Variants in STX2 observed in about 807,000 individuals in gnomAD.
STX2 encodes the protein syntaxin-2.
In STX2, 27 loss-of-function variants were observed where a neutral mutation model predicts 40.6. That is an observed-to-expected ratio of 0.66 (90% CI 0.49 to 0.92). STX2 has a LOEUF of 0.92. Ranked by LOEUF, STX2 falls within the 40% of genes least tolerant of loss-of-function variation. The probability of loss-of-function intolerance (pLI) is 0.00; values close to 1 mark genes in which losing one functional copy is unlikely to be tolerated. For synonymous variants in STX2, 123 were observed against 119.1 expected (o/e 1.03, Z -0.22); for missense variants, 328 against 366.1 (o/e 0.90, Z 0.85).
intron 6 of STX2, among the ~76,000 whole-genome samples, chr12:130,801,775 C>T (rs1355313007): frequency 6.6e-6 from 1 of 152,130 alleles, no homozygotes; most frequent in East Asian, 1.9e-4. Flanking sequence ...AATGTCTCGG[C>T]ACACTGGTTT....
chr12:130,826,417 T>A (rs2895140), intron 2 of STX2, among the ~76,000 whole-genome samples: 1 of 152,146 alleles, frequency 6.6e-6, no homozygotes, highest in Admixed American at 6.5e-5. Context: ...AAGGAGGCGG[T>A]GCTCCTGCAG....
At chr12:130,820,527 G>A (rs918537862) in intron 3 of STX2, among the ~76,000 whole-genome samples, 3 of 152,092 alleles carry the variant, frequency 2.0e-5, no homozygotes, top group African/African-American at 7.2e-5. Context: ...TTAGCTGGGC[G>A]TGGTGGTGGG....
chr12:130,793,308 G>A (rs971058042), intron 10 of STX2, among the ~76,000 whole-genome samples: 16 of 152,128 alleles, frequency 1.1e-4, no homozygotes, highest in African/African-American at 3.9e-4. Flanking sequence ...CTCTATATGC[G>A]CTCCTACGCC....
intron 10 of STX2, 137 bp downstream of exon 10, chr12:130,795,858 G>C: frequency 9.5e-7 from 1 of 1,053,774 alleles, no homozygotes; most frequent in Non-Finnish European, 1.3e-6. Flanking sequence ...CACACAGGCA[G>C]ATGTATCACT....
chr12:130,797,550 A>G (rs1280302877), intron 9 of STX2, among the ~76,000 whole-genome samples: 10 of 152,174 alleles, frequency 6.6e-5, no homozygotes, highest in Non-Finnish European at 1.5e-4. Context: ...GGTGCGTCTC[A>G]GGGCCATCGC....
chr12:130,827,103 G>A (rs1952346543), intron 2 of STX2, 90 bp downstream of exon 2: 2 of 573,874 alleles, frequency 3.5e-6, no homozygotes, highest in Non-Finnish European at 3.1e-6. Context: ...GGGAGGAAAG[G>A]GAGAGGGAGG....
chr12:130,836,923 T>C (rs1363830648), intron 1 of STX2, among the ~76,000 whole-genome samples: 2 of 152,186 alleles, frequency 1.3e-5, no homozygotes, highest in East Asian at 3.8e-4. Context: ...AGAACAAAAC[T>C]GATTGACATG....
At chr12:130,807,561 C>A (rs1328601889) in intron 5 of STX2, among the ~76,000 whole-genome samples, 1 of 152,086 alleles carries the variant, frequency 6.6e-6, no homozygotes, top group Non-Finnish European at 1.5e-5. Flanking sequence ...CATGAGGGGA[C>A]CCAGGCAGGC....
chr12:130,800,425 C>T (rs1951182479), intron 8 of STX2, among the ~76,000 whole-genome samples: 1 of 152,054 alleles, frequency 6.6e-6, no homozygotes, highest in Admixed American at 6.6e-5. Flanking sequence ...CTCAGCCTCC[C>T]AGAGGAGTTT....
chr12:130,812,413 G>A lies in STX2; in HGVS notation c.280+544C>T, dbSNP rs113180494. 1.3e-3 allele frequency: 596 copies of A among 453,056 alleles called. 2 individuals carry two copies. Among genetic ancestry groups the A allele is most frequent in the African/African-American group, 0.011 (543 of 49,882 alleles). The allele number at this position is 453,056 out of a possible 1,614,324, so 28.1% of individuals were successfully genotyped here. On this transcript the variant is annotated intron_variant, in intron 4 of 10. Transcript: ENST00000392373. ...GGAGCTGGGGGGTCGGCTTGTGGTC[G>A]CCTCTCTCTGCTTCTGCACACATCT...
chr12:130,799,468 G>C (rs968949154), intron 8 of STX2, among the ~76,000 whole-genome samples: 1 of 152,104 alleles, frequency 6.6e-6, no homozygotes, highest in Non-Finnish European at 1.5e-5. Context: ...ATCATCTCTC[G>C]TTCTTTCTGT....
chr12:130,839,004 GC>G (rs1952831954), intron 1 of STX2, 65 bp downstream of exon 1: 5 of 1,014,494 alleles, frequency 4.9e-6, no homozygotes, highest in Admixed American at 4.5e-5. Flanking sequence ...GACGCCCCGA[GC>G]CCCCGCCCGC....
At chr12:130,813,905 A>T (rs1951753990) in intron 3 of STX2, among the ~76,000 whole-genome samples, 1 of 152,088 alleles carries the variant, frequency 6.6e-6, no homozygotes, top group African/African-American at 2.4e-5. Context: ...TGCCTCTCTC[A>T]CTCAATCTCA....
chr12:130,823,732 A>C (rs1952199477), intron 2 of STX2, among the ~76,000 whole-genome samples: 1 of 152,226 alleles, frequency 6.6e-6, no homozygotes, highest in Non-Finnish European at 1.5e-5. Flanking sequence ...AAGCACAGTG[A>C]TTGCGGTGAT....
At chr12:130,833,254 A>T (rs540346148) in intron 1 of STX2, among the ~76,000 whole-genome samples, 1 of 151,598 alleles carries the variant, frequency 6.6e-6, no homozygotes, top group East Asian at 2.0e-4. Context: ...CAACAAACGG[A>T]AACAGAGACA....
At chr12:130,798,751 T>C in intron 8 of STX2, 116 bp from the exon 9 acceptor site, 1 of 645,146 alleles carries the variant, frequency 1.6e-6, no homozygotes, top group Non-Finnish European at 2.4e-6. Context: ...TAATGGATAC[T>C]GAGGGTTTTT....
chr12:130,818,185 A>AAAAAAAAAAAAAAAAAAT, intron 3 of STX2, among the ~76,000 whole-genome samples: 1 of 70,544 alleles, frequency 1.4e-5, no homozygotes, highest in African/African-American at 1.2e-4. Flanking sequence ...AAAAAAAAAA[A>AAAAAAAAAAAAAAAAAAT]ATATATATAT....
At position 130,831,388 on chromosome 12, in the gene STX2, G is replaced by C. The variant is rs142546217; in HGVS notation, c.31-4121C>G. Among the ~76,000 whole-genome samples the C allele has an allele frequency of 2.9e-3, 441 of 152,332 alleles. 1 individual carries two copies. The highest frequency in any genetic ancestry group is 5.1e-3 in the Non-Finnish European group (350 of 68,028). Reference sequence around the variant, plus strand: ...ATTAAACATAGGTAAAAGCTGGCCGGGTGCGGCAGCTCATGCCTGTAATCC... The same window carrying C: ...ATTAAACATAGGTAAAAGCTGGCCGCGTGCGGCAGCTCATGCCTGTAATCC... On this transcript the variant is annotated intron_variant, in intron 1 of 10. Coordinates refer to ENST00000392373, the MANE Select transcript of STX2 (RefSeq NM_194356.4).
chr12:130,828,129 T>C (rs982958779), intron 1 of STX2, among the ~76,000 whole-genome samples: 1 of 152,202 alleles, frequency 6.6e-6, no homozygotes, highest in African/African-American at 2.4e-5. Context: ...GATAAGATAT[T>C]TATCAGTGTT....
Sources: gnomAD v4.1 joint callset for allele counts (sites outside exome capture counted in the v4.1 genomes callset) on GRCh38, gnomAD v4.1.1 for gene constraint, MANE v1.5 for transcripts, NCBI Gene and HGNC (gene_info 2026-07-23, HGNC 2026-07-21) for gene names.